Variants in ARHGEF3 observed in about 807,000 individuals in gnomAD.
The protein encoded by ARHGEF3 is Rho guanine nucleotide exchange factor 3.
ARHGEF3 carries 28 observed loss-of-function variants against 63.2 expected under a neutral mutation model. That is an observed-to-expected ratio of 0.44 (90% CI 0.33 to 0.61). ARHGEF3 has a LOEUF of 0.61. Ranked by LOEUF, ARHGEF3 falls within the 20% of genes least tolerant of loss-of-function variation. The pLI is 0.03. For missense variants in ARHGEF3, 533 were observed against 659.3 expected (o/e 0.81, Z 2.10); for synonymous variants, 266 against 254.2 (o/e 1.05, Z -0.44).
intron 3 of ARHGEF3, among the ~76,000 whole-genome samples, chr3:56,897,859 C>G (rs994268815): frequency 6.6e-6 from 1 of 152,030 alleles, no homozygotes; most frequent in Non-Finnish European, 1.5e-5. Context: ...GCCACCATGC[C>G]CGGCCCTATT....
rs537829114 is a variant in ARHGEF3, at chr3:56,928,093, A to C, written c.129+30730T>G. On this transcript the variant is annotated intron_variant, in intron 3 of 12. Transcript: ENST00000338458. ...TGAGAAGGATGCACCAAAGCTCTTC[A>C]GAGCAGGAGAGTATTAACCAACATG... 1.7e-3 allele frequency among the ~76,000 whole-genome samples: 265 copies of C among 152,304 alleles called. 1 individual carries two copies. The highest frequency in any genetic ancestry group is 3.1e-3 in the Non-Finnish European group (213 of 68,030).
intron 2 of ARHGEF3, among the ~76,000 whole-genome samples, chr3:57,021,620 G>A (rs7626765): frequency 0.26 from 39,846 of 151,868 alleles, 5,592 homozygotes; most frequent in Middle Eastern, 0.33. Context: ...AGGCATGGTG[G>A]TGCGTGCCTG....
At chr3:57,040,494 G>GAAAAGAAAAGAAAAGAAAAGAAAA (rs1488554604) in intron 1 of ARHGEF3, among the ~76,000 whole-genome samples, 4 of 152,010 alleles carry the variant, frequency 2.6e-5, no homozygotes, top group Middle Eastern at 3.4e-3. Flanking sequence ...GAAAAGAAAA[G>GAAAAGAAAAGAAAAGAAAAGAAAA]AAAAGAAAAT....
At chr3:57,068,790 GT>G (rs1373454133) in intron 1 of ARHGEF3, among the ~76,000 whole-genome samples, 1 of 151,968 alleles carries the variant, frequency 6.6e-6, no homozygotes, top group Non-Finnish European at 1.5e-5. Context: ...ATATCATTGT[GT>G]TTTTCCCCTA....
intron 9 of ARHGEF3, among the ~76,000 whole-genome samples, chr3:56,730,388 CTTTTTT>C (rs66881414): frequency 7.3e-6 from 1 of 137,288 alleles, no homozygotes. Flanking sequence ...TTTATTTAAT[CTTTTTT>C]TTTTTTTTTT....
chr3:56,982,383 T>C (rs1164888756), intron 2 of ARHGEF3, among the ~76,000 whole-genome samples: 2 of 152,086 alleles, frequency 1.3e-5, no homozygotes, highest in Non-Finnish European at 2.9e-5. Context: ...CAGGGGACCA[T>C]CCAGAGTGCC....
chr3:56,918,217 G>A (rs2042034229), intron 3 of ARHGEF3, among the ~76,000 whole-genome samples: 1 of 152,196 alleles, frequency 6.6e-6, no homozygotes, highest in Non-Finnish European at 1.5e-5. Flanking sequence ...GGAAATGCGG[G>A]AGGCTCCATC....
chr3:56,732,667 C>T (rs536078975), intron 8 of ARHGEF3, among the ~76,000 whole-genome samples: 3 of 152,118 alleles, frequency 2.0e-5, no homozygotes, highest in Non-Finnish European at 4.4e-5. Context: ...CTTCTGCCTA[C>T]AGACACCTAC....
At chr3:56,739,901 A>ATTTTT (rs11391206) in intron 7 of ARHGEF3, among the ~76,000 whole-genome samples, 2 of 142,196 alleles carry the variant, frequency 1.4e-5, no homozygotes, top group Non-Finnish European at 3.1e-5. Flanking sequence ...AGTTTCAAAG[A>ATTTTT]TTTTTTTTTT....
intron 4 of ARHGEF3, among the ~76,000 whole-genome samples, chr3:56,752,282 T>C (rs1276897588): frequency 6.6e-6 from 1 of 152,206 alleles, no homozygotes; most frequent in Non-Finnish European, 1.5e-5. Context: ...GGTCTTGAAC[T>C]CCTGACCTCA....
chr3:56,755,400 T>C (rs2035010357), intron 2 of ARHGEF3, among the ~76,000 whole-genome samples: 1 of 152,206 alleles, frequency 6.6e-6, no homozygotes, highest in Admixed American at 6.5e-5. Flanking sequence ...TGGACTATAG[T>C]GCAAGCACAT....
intron 2 of ARHGEF3, among the ~76,000 whole-genome samples, chr3:56,974,650 C>G (rs779154084): frequency 6.6e-6 from 1 of 152,126 alleles, no homozygotes; most frequent in African/African-American, 2.4e-5. Flanking sequence ...GCAAAGGGAT[C>G]GTTCTCCCTC....
At chr3:56,807,998 C>G (rs1220592911) in intron 4 of ARHGEF3, among the ~76,000 whole-genome samples, 1 of 151,978 alleles carries the variant, frequency 6.6e-6, no homozygotes, top group African/African-American at 2.4e-5. Context: ...GTGGCGGGTG[C>G]CTGTAGTCCT....
intron 9 of ARHGEF3, among the ~76,000 whole-genome samples, chr3:56,729,856 G>C (rs560959027): frequency 2.5e-4 from 25 of 100,038 alleles, no homozygotes; most frequent in African/African-American, 1.0e-3. Context: ...AAACCCGCAG[G>C]TGGAGATCAT....
chr3:56,807,655 G>C (rs1483065185), intron 4 of ARHGEF3, among the ~76,000 whole-genome samples: 1 of 152,194 alleles, frequency 6.6e-6, no homozygotes, highest in Admixed American at 6.5e-5. Flanking sequence ...GTTTTGATGG[G>C]GAGGGAACCT....
chr3:57,042,698 A>ATTTTTTTTT (rs1235160376), intron 1 of ARHGEF3, among the ~76,000 whole-genome samples: 1 of 41,410 alleles, frequency 2.4e-5, no homozygotes, highest in Non-Finnish European at 5.4e-5. Context: ...ATATATATAT[A>ATTTTTTTTT]TATTTTTTTT....
intron 3 of ARHGEF3, among the ~76,000 whole-genome samples, chr3:56,884,251 G>A (rs1205991314): frequency 6.6e-6 from 1 of 151,986 alleles, no homozygotes; most frequent in Non-Finnish European, 1.5e-5. Flanking sequence ...TTAGTAGAGT[G>A]CCTAGTACAC....
At chr3:56,895,461 T>C (rs2041268267) in intron 3 of ARHGEF3, among the ~76,000 whole-genome samples, 1 of 91,394 alleles carries the variant, frequency 1.1e-5, no homozygotes. Context: ...TTCTTATTTA[T>C]TTATTTATTT....
chr3:57,076,774 C>G (rs1380092278), intron 1 of ARHGEF3: 1 of 152,262 alleles, frequency 6.6e-6, no homozygotes, highest in African/African-American at 2.4e-5. Flanking sequence ...TGTTCATTCA[C>G]TCAGGACAGT....
Sources: allele counts gnomAD v4.1 joint callset (sites outside exome capture counted in the v4.1 genomes callset), GRCh38; gene constraint gnomAD v4.1.1; transcripts MANE v1.5; gene names NCBI Gene and HGNC (gene_info 2026-07-23, HGNC 2026-07-21).